ACBD6: variants seen among roughly 807,000 people sequenced by gnomAD.
ACBD6 encodes acyl-CoA binding domain containing 6, also known as acyl-CoA-binding domain-containing protein 6.
In ACBD6, 28 loss-of-function variants were observed where a neutral mutation model predicts 37.2. That is an observed-to-expected ratio of 0.75 (90% CI 0.56 to 1.03). The LOEUF is 1.03. Ranked by LOEUF, ACBD6 falls within the 50% of genes least tolerant of loss-of-function variation. The probability of loss-of-function intolerance (pLI) is 0.00; values close to 1 mark genes in which losing one functional copy is unlikely to be tolerated. For synonymous variants in ACBD6, 113 were observed against 126.8 expected, an observed-to-expected ratio of 0.89 and a Z score of 0.73; for missense variants, 340 against 337.4, an observed-to-expected ratio of 1.01 and a Z score of -0.06.
chr1:180,346,466 T>C (rs959508797), intron 6 of ACBD6, among the ~76,000 whole-genome samples: 4 of 152,086 alleles, frequency 2.6e-5, no homozygotes, highest in African/African-American at 7.2e-5. Context: ...ACCACTTTCA[T>C]GATGGAGGGC....
intron 5 of ACBD6, among the ~76,000 whole-genome samples, chr1:180,400,970 T>C (rs1024806731): frequency 6.6e-6 from 1 of 152,242 alleles, no homozygotes; most frequent in Non-Finnish European, 1.5e-5. Context: ...TTTGTCTATA[T>C]AATTGTTTTA....
chr1:180,339,067 T>C (rs1031364662), intron 6 of ACBD6, among the ~76,000 whole-genome samples: 1 of 152,206 alleles, frequency 6.6e-6, no homozygotes, highest in Non-Finnish European at 1.5e-5. Context: ...ACAGGAACAC[T>C]TTTACACTGT....
At chr1:180,349,274 T>C (rs1436809493) in intron 6 of ACBD6, among the ~76,000 whole-genome samples, 2 of 151,232 alleles carry the variant, frequency 1.3e-5, no homozygotes, top group Non-Finnish European at 3.0e-5. Flanking sequence ...TTTCTTTTTT[T>C]TTTTTGGAAA....
intron 6 of ACBD6, among the ~76,000 whole-genome samples, chr1:180,363,860 T>C (rs1652937698): frequency 6.8e-6 from 1 of 146,336 alleles, no homozygotes. Context: ...CTCCACAAAA[T>C]GGAGAAACCC....
chr1:180,270,901 G>A (rs777727712), exon 14 of ACBD6: 7 of 235,676 alleles, frequency 3.0e-5, no homozygotes, highest in African/African-American at 6.7e-5. Context: ...TGAGCCCAGC[G>A]ACGCCAGGGC....
Position 180,420,666 on chromosome 1 carries a change from G to GCT in ACBD6, c.468-7196_468-7195insAG, listed in dbSNP as rs1571487453. 2.0e-5 allele frequency among the ~76,000 whole-genome samples: 3 copies of GCT among 152,284 alleles called. No homozygotes were observed. The East Asian group carries it at 5.8e-4, about 29-fold the overall frequency. ...TAAAAGGCGGTCTCTTACTAGAAAG[G>GCT]TACCTCCTGACTTCAGGGAAAAAGA... is the stretch of plus-strand genomic sequence containing the variant. On this transcript the variant is annotated intron_variant, in intron 4 of 7. Coordinates refer to ENST00000367595, the MANE Select transcript of ACBD6 (RefSeq NM_032360.4).
intron 5 of ACBD6, among the ~76,000 whole-genome samples, chr1:180,404,189 G>A (rs996316601): frequency 5.3e-5 from 8 of 152,100 alleles, no homozygotes; most frequent in African/African-American, 1.9e-4. Flanking sequence ...GACCTCAGGT[G>A]ATCTGCCCAC....
intron 5 of ACBD6, among the ~76,000 whole-genome samples, chr1:180,405,685 C>T (rs1647594698): frequency 1.3e-5 from 2 of 152,048 alleles, no homozygotes; most frequent in South Asian, 2.1e-4. Flanking sequence ...TTGTATAGTA[C>T]ACTAATCTGA....
intron 3 of ACBD6, among the ~76,000 whole-genome samples, chr1:180,462,492 A>G (rs2102044290): frequency 6.6e-6 from 1 of 152,354 alleles, no homozygotes; most frequent in South Asian, 2.1e-4. Flanking sequence ...AAAGGGCTTT[A>G]CATAATGTTA....
At chr1:180,371,496 G>A (rs528165287) in intron 6 of ACBD6, among the ~76,000 whole-genome samples, 3 of 152,170 alleles carry the variant, frequency 2.0e-5, no homozygotes, top group African/African-American at 4.8e-5. Flanking sequence ...TCATCTTCCC[G>A]ACAGCTCTCT....
intron 7 of ACBD6, among the ~76,000 whole-genome samples, chr1:180,304,647 G>T (rs1650278248): frequency 1.3e-5 from 2 of 150,802 alleles, no homozygotes; most frequent in Admixed American, 6.6e-5. Context: ...ATGGTAGGAA[G>T]AATCAATATC....
chr1:180,479,723 G>T (rs755009955), intron 3 of ACBD6, among the ~76,000 whole-genome samples: 15 of 152,076 alleles, frequency 9.9e-5, no homozygotes, highest in Admixed American at 5.2e-4. Context: ...CAGTATGGCA[G>T]GTACGCCTGT....
intron 3 of ACBD6, among the ~76,000 whole-genome samples, chr1:180,452,847 T>C (rs904270873): frequency 1.3e-5 from 2 of 152,144 alleles, no homozygotes; most frequent in Non-Finnish European, 2.9e-5. Flanking sequence ...GCATGCACCC[T>C]CCCAAGACTA....
intron 3 of ACBD6, among the ~76,000 whole-genome samples, chr1:180,458,933 A>G (rs1650022127): frequency 6.6e-6 from 1 of 152,226 alleles, no homozygotes; most frequent in Non-Finnish European, 1.5e-5. Flanking sequence ...TTATCTCCAT[A>G]TGCAGTACAA....
At chr1:180,297,930 A>C (rs1649987024) in intron 7 of ACBD6, among the ~76,000 whole-genome samples, 1 of 152,088 alleles carries the variant, frequency 6.6e-6, no homozygotes, top group African/African-American at 2.4e-5. Context: ...TTTTTAGTAG[A>C]GGTGGGGTTT....
chr1:180,402,285 G>A (rs1647404774), intron 5 of ACBD6, among the ~76,000 whole-genome samples: 1 of 152,100 alleles, frequency 6.6e-6, no homozygotes, highest in Non-Finnish European at 1.5e-5. Flanking sequence ...CAAGCACTTA[G>A]GAATAAGATT....
chr1:180,290,371 C>T lies in ACBD6; in HGVS notation c.695-1854G>A, dbSNP rs55915848. Among the ~76,000 whole-genome samples the T allele has an allele frequency of 6.7e-3, 1,014 of 152,216 alleles. 17 individuals are homozygous for T. Among genetic ancestry groups the T allele is most frequent in the African/African-American group, 0.023 (968 of 41,530 alleles). On this transcript the variant is annotated intron_variant, in intron 7 of 7. Coordinates refer to ENST00000367595, the MANE Select transcript of ACBD6 (RefSeq NM_032360.4). ...CATGCTTGGCTCTCACTTTGGGAGT[C>T]TCACTTTGTTGCCCAGGCTGGTCTC...
At chr1:180,299,699 A>G (rs150608314) in intron 7 of ACBD6, among the ~76,000 whole-genome samples, 18 of 152,260 alleles carry the variant, frequency 1.2e-4, no homozygotes, top group African/African-American at 4.3e-4. Context: ...CCACTCTGAA[A>G]TCACATGACT....
chr1:180,295,875 C>T (rs1271665402), intron 7 of ACBD6, among the ~76,000 whole-genome samples: 1 of 151,992 alleles, frequency 6.6e-6, no homozygotes, highest in Non-Finnish European at 1.5e-5. Flanking sequence ...GCCAATAATC[C>T]TACAATGAAC....
Sources: gnomAD v4.1 joint callset for allele counts (sites outside exome capture counted in the v4.1 genomes callset) on GRCh38, gnomAD v4.1.1 for gene constraint, MANE v1.5 for transcripts, NCBI Gene and HGNC (gene_info 2026-07-23, HGNC 2026-07-21) for gene names.